The following PEX11B variants were observed in gnomAD, a reference collection of about 807,000 sequenced individuals.
PEX11B encodes the protein peroxisomal biogenesis factor 11 beta.
PEX11B carries 18 observed loss-of-function variants against 28.2 expected under a neutral mutation model. The observed-to-expected ratio is 0.64, with a 90% CI of 0.44 to 0.95. The LOEUF is 0.95. Among genes scored for constraint, PEX11B ranks in the 40% least tolerant of loss-of-function variants. The pLI is 0.00. For synonymous variants in PEX11B, 128 were observed against 128.7 expected (o/e 0.99, Z 0.04); for missense variants, 305 against 319.8 (o/e 0.95, Z 0.35).
intron 2 of PEX11B, 120 bp from the exon 3 acceptor site, chr1:145,917,138 G>C (rs1647429475): frequency 1.4e-6 from 1 of 705,826 alleles, no homozygotes. Context: ...TTTTTTTAAA[G>C]AGCAGAAACA....
chr1:145,918,693 G>C lies in PEX11B; in HGVS notation c.-5C>G. On this transcript the variant is annotated 5_prime_UTR_variant, in exon 1 of 4. Transcript: ENST00000369306. ...GAAGCGGACCCAGGCGTCCATGACAGCCGCAGCCCAGGCTCCGCGGCCCTG... is the reference window on the plus strand; with the variant it reads ...GAAGCGGACCCAGGCGTCCATGACACCCGCAGCCCAGGCTCCGCGGCCCTG... 1 of 1,569,092 alleles carries C rather than the reference G, an allele frequency of 6.4e-7. No individual in the cohort carries two copies. Among genetic ancestry groups the C allele is most frequent in the Non-Finnish European group, 8.6e-7 (1 of 1,157,946 alleles).
Position 145,917,014 on chromosome 1 carries a change from T to C in PEX11B, c.177A>G (p.Leu59=). ...ESHLSLGRKL[L]RLGNSADALE... is the part of the protein sequence containing the mutation. ...GGGCATCTGCTGAGTTACCCAGGCG[T>C]AGAACTTGTGGAGATTAGAAAGGGA... The change falls in exon 3 of 4, where the codon CTA becomes CTG. Residue 59 remains leucine (L), a synonymous_variant. Transcript: ENST00000369306. 2 of 1,607,084 alleles carry C rather than the reference T, an allele frequency of 1.2e-6. No individual in the cohort carries two copies. The highest frequency in any genetic ancestry group is 1.1e-5 in the South Asian group (1 of 90,876).
At chr1:145,918,132 G>T (rs768599330) in intron 1 of PEX11B, 32 of 985,340 alleles carry the variant, frequency 3.2e-5, no homozygotes, top group Non-Finnish European at 3.7e-5. Flanking sequence ...GTACGTGATC[G>T]ATGAGGGGGA....
intron 3 of PEX11B, among the ~76,000 whole-genome samples, chr1:145,913,113 A>G (rs1026024455): frequency 1.8e-4 from 28 of 151,548 alleles, no homozygotes; most frequent in African/African-American, 6.8e-4. Flanking sequence ...AGGCTAACTC[A>G]TAGGGGCACA....
At chr1:145,918,612 C>A in intron 1 of PEX11B, 21 bp downstream of exon 1, 1 of 1,589,976 alleles carries the variant, frequency 6.3e-7, no homozygotes, top group East Asian at 2.3e-5. Flanking sequence ...CGCCCCACCC[C>A]CATTCCTATT....
At chr1:145,918,598 C>G in intron 1 of PEX11B, 35 bp downstream of exon 1, 2 of 1,502,044 alleles carry the variant, frequency 1.3e-6, no homozygotes, top group Non-Finnish European at 1.8e-6. Flanking sequence ...GTCCATCCCT[C>G]CCCCGCCCCA....
In PEX11B at chr1:145,912,671, T is replaced by C. The variant is rs587636553; in HGVS notation, c.375-105A>G. 3 of 763,578 alleles carry C rather than the reference T, an allele frequency of 3.9e-6. No individual in the cohort carries two copies. In the East Asian group the frequency reaches 8.5e-5, roughly 22 times the overall value. The allele number at this position is 763,578 out of a possible 1,614,324, so 47.3% of individuals were successfully genotyped here. Reference sequence around the variant, plus strand: ...TTCCTGTAGCAAAGAGATTACACATTAGATCAGAAGTAAAGTGAATGCTAT... The same window carrying C: ...TTCCTGTAGCAAAGAGATTACACATCAGATCAGAAGTAAAGTGAATGCTAT... On this transcript the variant is annotated intron_variant, in intron 3 of 3. Coordinates refer to ENST00000369306, the MANE Select transcript of PEX11B (RefSeq NM_003846.3).
At chr1:145,914,913 T>C (rs1647293550) in intron 3 of PEX11B, among the ~76,000 whole-genome samples, 1 of 152,126 alleles carries the variant, frequency 6.6e-6, no homozygotes, top group Admixed American at 6.5e-5. Flanking sequence ...TGTCTTTTCT[T>C]TTTTTTTGAG....
intron 3 of PEX11B, 68 bp downstream of exon 3, chr1:145,916,749 C>T: frequency 2.8e-6 from 3 of 1,078,746 alleles, no homozygotes; most frequent in Non-Finnish European, 4.3e-6. Flanking sequence ...ATCTTTCCCT[C>T]ATATAAGACA....
chr1:145,915,857 G>C (rs1647351112), intron 3 of PEX11B, among the ~76,000 whole-genome samples: 1 of 151,878 alleles, frequency 6.6e-6, no homozygotes, highest in Non-Finnish European at 1.5e-5. Flanking sequence ...TGGTCTTGAA[G>C]TCCTGACCTC....
At chr1:145,916,766 G>T in intron 3 of PEX11B, 51 bp downstream of exon 3, 1 of 1,229,170 alleles carries the variant, frequency 8.1e-7, no homozygotes. Context: ...GACAAGCTAT[G>T]CAATATAGAG....
At chr1:145,918,373 C>G in intron 1 of PEX11B, 1 of 1,534,410 alleles carries the variant, frequency 6.5e-7, no homozygotes, top group Middle Eastern at 1.7e-4. Context: ...AGTGAGGACA[C>G]TGTCGGTCTT....
intron 3 of PEX11B, among the ~76,000 whole-genome samples, chr1:145,913,592 AACACACACACACACACACACACAC>A (rs56031424): frequency 7.0e-6 from 1 of 142,710 alleles, no homozygotes; most frequent in Non-Finnish European, 1.5e-5. Flanking sequence ...TCCACTTGGC[AACACACACACACACACACACACAC>A]ACACACACAC....
In PEX11B at chr1:145,914,366, T is replaced by G. The variant is rs1301357892; in HGVS notation, c.375-1800A>C. Among the ~76,000 whole-genome samples the G allele has an allele frequency of 3.6e-5, 5 of 140,166 alleles. No individual in the cohort carries two copies. The East Asian group carries it at 1.0e-3, about 29-fold the overall frequency. 92.0% of individuals were successfully genotyped at this position (140,166 alleles called of 152,430 possible). A position where few individuals can be genotyped will look rare whatever the true frequency, so the allele number is the denominator to read the frequency against. On this transcript the variant is annotated intron_variant, in intron 3 of 3. Transcript: ENST00000369306. ...TCCAGCCTGGGCGACAGAGCAAGAC[T>G]CCATCTCAAAAAAAAAAAAAACCAA...
In PEX11B at chr1:145,912,326, G is replaced by A; in HGVS notation, c.615C>T (p.Pro205=). ...TTCTGACCACGTCTAGCAGAAGTGG[G>A]GGATGACCTCTAAGGACTCGAGCCA... ...LLLARVLRGH[P]PLLLDVVRNA... Residue 205 remains proline (P), a synonymous_variant, in exon 4 of 4, where the codon CCC becomes CCT. Transcript: ENST00000369306. 1 of 1,613,992 alleles carries A rather than the reference G, an allele frequency of 6.2e-7. No homozygotes were observed. The highest frequency in any genetic ancestry group is 8.5e-7 in the Non-Finnish European group (1 of 1,179,968).
At chr1:145,918,549 G>A (rs1570937905) in intron 1 of PEX11B, 84 bp downstream of exon 1, 1 of 1,548,394 alleles carries the variant, frequency 6.5e-7, no homozygotes. Flanking sequence ...TGACCCCCCT[G>A]TAGCCTAAAC....
chr1:145,918,345 C>T, intron 1 of PEX11B: 3 of 1,522,990 alleles, frequency 2.0e-6, no homozygotes, highest in Non-Finnish European at 2.6e-6. Context: ...GCGAATGCTC[C>T]TCATTCCATC....
rs200789790 is a variant in PEX11B, at chr1:145,912,396, C to T, written c.545G>A (p.Gly182Asp). The T allele has an allele frequency of 3.9e-5, 62 of 1,607,652 alleles. No homozygotes were observed. The highest frequency in any genetic ancestry group is 5.3e-5 in the Non-Finnish European group (62 of 1,176,384). The stretch of plus-strand genomic sequence containing the variant: ...AAGTTTCAGAGCCAGTTGGGGCAGA[C>T]CTCCTCCTGGAGTCCCTGGTCCCCC... ...GLGGPGTPGGGLPQLALKLRL... is the reference protein window; with the variant it reads ...GLGGPGTPGGDLPQLALKLRL... Residue 182 changes from glycine to aspartate, a missense_variant, in exon 4 of 4, where the codon GGT becomes GAT. Transcript: ENST00000369306.
rs1553753155 is a variant in PEX11B, at chr1:145,912,108, T to C, written c.*53A>G. On this transcript the variant is annotated 3_prime_UTR_variant, in exon 4 of 4. Transcript: ENST00000369306. The stretch of plus-strand genomic sequence containing the variant: ...AATGAGGCTGGCACATGGGGGACGA[T>C]CTAAGATTCCATCTCACCAATTCAG... 1.4e-6 allele frequency: 2 copies of C among 1,388,738 alleles called. No individual in the cohort carries two copies. The highest frequency in any genetic ancestry group is 2.4e-5 in the Admixed American group (1 of 41,734). 86.0% of individuals were successfully genotyped at this position (1,388,738 alleles called of 1,614,324 possible).
Sources: allele counts gnomAD v4.1 joint callset (sites outside exome capture counted in the v4.1 genomes callset), GRCh38; gene constraint gnomAD v4.1.1; transcripts MANE v1.5; gene names NCBI Gene and HGNC (gene_info 2026-07-23, HGNC 2026-07-21).